The following HUS1 variants were observed in gnomAD, a reference collection of about 807,000 sequenced individuals.
HUS1 encodes HUS1 checkpoint clamp component.
A neutral mutation model predicts 32.6 loss-of-function variants in HUS1; 31 were observed. That is an observed-to-expected ratio of 0.95 (90% CI 0.72 to 1.28). The LOEUF (loss-of-function observed/expected upper bound fraction) is 1.28, where lower values mean the gene tolerates loss of function less well. Ranked by LOEUF, HUS1 falls within the 50% of genes most tolerant of loss-of-function variation. HUS1 has a pLI of 0.00. For missense variants in HUS1, 340 were observed against 337.7 expected, an observed-to-expected ratio of 1.01 and a Z score of -0.05; for synonymous variants, 123 against 116.6, an observed-to-expected ratio of 1.06 and a Z score of -0.36.
intron 7 of HUS1, 121 bp downstream of exon 7, chr7:47,967,685 A>T: frequency 1.0e-6 from 1 of 962,752 alleles, no homozygotes; most frequent in Non-Finnish European, 1.5e-6. Context: ...AAGTCCACAT[A>T]ATTGAGCTTT....
chr7:47,968,220 G>C (rs1043873287), intron 6 of HUS1, among the ~76,000 whole-genome samples: 10 of 151,716 alleles, frequency 6.6e-5, no homozygotes, highest in African/African-American at 2.2e-4. Flanking sequence ...TATTTTAAGA[G>C]TGAAAATATA....
At chr7:47,974,999 G>A (rs755015508) in intron 5 of HUS1, among the ~76,000 whole-genome samples, 2 of 152,074 alleles carry the variant, frequency 1.3e-5, no homozygotes, top group South Asian at 2.1e-4. Context: ...AGAAAAATAC[G>A]GGCACGTTAG....
chr7:47,970,051 G>T (rs1274406717), intron 5 of HUS1, among the ~76,000 whole-genome samples: 1 of 151,632 alleles, frequency 6.6e-6, no homozygotes, highest in Non-Finnish European at 1.5e-5. Flanking sequence ...GGCTAACACG[G>T]TGAAACCCCG....
At chr7:47,975,036 G>T (rs148644124) in intron 5 of HUS1, among the ~76,000 whole-genome samples, 1 of 152,114 alleles carries the variant, frequency 6.6e-6, no homozygotes, top group African/African-American at 2.4e-5. Flanking sequence ...TGTTCCAGCC[G>T]GGCGCGGTGG....
At position 47,964,740 on chromosome 7, in the gene HUS1, T is replaced by G. The variant is rs1401218273; in HGVS notation, c.*616A>C. 6.6e-6 allele frequency: 1 copy of G among 152,262 alleles called. No homozygotes were observed. Among genetic ancestry groups the G allele is most frequent in the African/African-American group, 2.4e-5 (1 of 41,444 alleles). 9.4% of individuals were successfully genotyped at this position (152,262 alleles called of 1,614,324 possible). A position where few individuals can be genotyped will look rare whatever the true frequency, so the allele number is the denominator to read the frequency against. On this transcript the variant is annotated 3_prime_UTR_variant, in exon 8 of 8. Transcript: ENST00000258774. ...GCTCCCAGCTAAGAGCTGTGTTGGC[T>G]GGGCCAGCTCTCTAGGCATCAAGAG... is the stretch of plus-strand genomic sequence containing the variant.
intron 5 of HUS1, among the ~76,000 whole-genome samples, chr7:47,970,447 G>C (rs1359232256): frequency 3.3e-5 from 5 of 151,862 alleles, no homozygotes; most frequent in Non-Finnish European, 7.4e-5. Flanking sequence ...GCACCACAGA[G>C]AGAATAGTAA....
At chr7:47,968,370 T>C (rs1307083630) in intron 6 of HUS1, among the ~76,000 whole-genome samples, 2 of 152,170 alleles carry the variant, frequency 1.3e-5, no homozygotes, top group Non-Finnish European at 2.9e-5. Flanking sequence ...GACATCAGAA[T>C]GAATCGCTTT....
At chr7:47,978,616 T>A in intron 2 of HUS1, 23 bp from the exon 3 acceptor site, 1 of 1,613,354 alleles carries the variant, frequency 6.2e-7, no homozygotes, top group African/African-American at 1.3e-5. Context: ...AAATGAGGGA[T>A]GAGGGAGGGT....
intron 4 of HUS1, chr7:47,976,174 A>G (rs1788700080): frequency 2.8e-6 from 1 of 353,352 alleles, no homozygotes; most frequent in African/African-American, 2.1e-5. Flanking sequence ...TTTCAAAATC[A>G]GTGTAGGTGC....
Position 47,970,552 on chromosome 7 carries a change from G to T in HUS1, c.541-1234C>A, listed in dbSNP as rs549225641. 1.8e-4 allele frequency among the ~76,000 whole-genome samples: 28 copies of T among 152,190 alleles called. 2 individuals carry two copies. The South Asian group carries it at 5.8e-3, about 32-fold the overall frequency. On this transcript the variant is annotated intron_variant, in intron 5 of 7. Coordinates refer to ENST00000258774, the MANE Select transcript of HUS1 (RefSeq NM_004507.4). ...AGAAAATAATAAAGACAGTGGAGAA[G>T]ATCCAAGCCCTCTGAGTCCCAGAAG...
chr7:47,975,754 C>A lies in HUS1; in HGVS notation c.466-67G>T, dbSNP rs3176530. On this transcript the variant is annotated intron_variant, in intron 4 of 7. Transcript: ENST00000258774. ...TAATATACTCTAGTAATGACAAGGG[C>A]CCCATAACTAACTCTAGAACACATG... 7.4e-4 allele frequency: 640 copies of A among 863,836 alleles called. 7 individuals are homozygous for A. The African/African-American group carries it at 9.8e-3, about 13-fold the overall frequency. The allele number at this position is 863,836 out of a possible 1,614,324, so 53.5% of individuals were successfully genotyped here.
intron 6 of HUS1, chr7:47,968,994 C>A (rs1478715887): frequency 2.4e-5 from 12 of 491,420 alleles, no homozygotes; most frequent in Non-Finnish European, 4.3e-5. Context: ...GGAGACCCTG[C>A]ACAGATCTGT....
At chr7:47,971,654 A>G in intron 5 of HUS1, 3 of 434,532 alleles carry the variant, frequency 6.9e-6, no homozygotes, top group Non-Finnish European at 1.4e-5. Flanking sequence ...TATCTGCCCA[A>G]TGTTAAAGCC....
chr7:47,979,614 G>C lies in HUS1; in HGVS notation c.-95C>G, dbSNP rs1385488005. 17 of 1,016,076 alleles carry C rather than the reference G, an allele frequency of 1.7e-5. No homozygotes were observed. Among genetic ancestry groups the C allele is most frequent in the Middle Eastern group, 4.3e-4 (2 of 4,656 alleles). The allele number at this position is 1,016,076 out of a possible 1,614,324, so 62.9% of individuals were successfully genotyped here. On this transcript the variant is annotated 5_prime_UTR_variant, in exon 1 of 8. Transcript: ENST00000258774. ...GCCCGGAAACACGGCAGCGCGAACA[G>C]TGGTTCCGCCCGGCTCGGGCTACGC...
intron 5 of HUS1, among the ~76,000 whole-genome samples, chr7:47,973,775 ACACCTCTGATGATTCTAAGCTACC>A (rs1583720740): frequency 6.6e-6 from 1 of 152,280 alleles, no homozygotes; most frequent in East Asian, 1.9e-4. Flanking sequence ...AGAAAACAAA[ACACCTCTGATGATTCTAAGCTACC>A]CTTCTACCTC....
chr7:47,964,540 T>G lies in HUS1; in HGVS notation c.*816A>C, dbSNP rs1441119289. 6.6e-6 allele frequency: 1 copy of G among 152,220 alleles called. No homozygotes were observed. Among genetic ancestry groups the G allele is most frequent in the East Asian group, 1.9e-4 (1 of 5,190 alleles). The allele number at this position is 152,220 out of a possible 1,614,324, so 9.4% of individuals were successfully genotyped here. ...GTTCAGAAACATCAAAGAAATATGG[T>G]CTCATCACTTAACACAGATGATACC... On this transcript the variant is annotated 3_prime_UTR_variant, in exon 8 of 8. Coordinates refer to ENST00000258774, the MANE Select transcript of HUS1 (RefSeq NM_004507.4).
rs565528133 is a variant in HUS1 at position 47,964,966 on chromosome 7, G to A, written c.*390C>T. Reference sequence around the variant, plus strand: ...CAAGACTGACTGTGCGCTACAGGCCGTGCTGAGCTAGAGCCTCTGCCTGGA... The same window carrying A: ...CAAGACTGACTGTGCGCTACAGGCCATGCTGAGCTAGAGCCTCTGCCTGGA... On this transcript the variant is annotated 3_prime_UTR_variant, in exon 8 of 8. Transcript: ENST00000258774. The A allele has an allele frequency of 3.6e-5, 7 of 193,698 alleles. No homozygotes were observed. The East Asian group carries it at 5.2e-4, about 14-fold the overall frequency. The allele number at this position is 193,698 out of a possible 1,614,324, so 12.0% of individuals were successfully genotyped here. A position where few individuals can be genotyped will look rare whatever the true frequency, so the allele number is the denominator to read the frequency against.
intron 7 of HUS1, among the ~76,000 whole-genome samples, chr7:47,966,510 C>G (rs546082032): frequency 7.9e-4 from 121 of 152,204 alleles, no homozygotes; most frequent in Middle Eastern, 3.4e-3. Context: ...AGCGCAGGGG[C>G]CCCCCACACC....
intron 5 of HUS1, among the ~76,000 whole-genome samples, chr7:47,970,122 A>C (rs1260706712): frequency 6.6e-6 from 1 of 151,086 alleles, no homozygotes; most frequent in Non-Finnish European, 1.5e-5. Flanking sequence ...AGTCCCAGCT[A>C]CTCGGGAGGC....
Sources: allele counts gnomAD v4.1 joint callset (sites outside exome capture counted in the v4.1 genomes callset), GRCh38; gene constraint gnomAD v4.1.1; transcripts MANE v1.5; gene names NCBI Gene and HGNC (gene_info 2026-07-23, HGNC 2026-07-21).